The following SLC2A9 variants were observed in gnomAD, a reference collection of about 807,000 sequenced individuals.
SLC2A9 encodes the protein solute carrier family 2 member 9, also known as solute carrier family 2, facilitated glucose transporter member 9.
In SLC2A9, 39 loss-of-function variants were observed where a neutral mutation model predicts 50.6. That is an observed-to-expected ratio of 0.77 (90% CI 0.60 to 1.01). The LOEUF is 1.01. Ranked by LOEUF, SLC2A9 falls within the 50% of genes least tolerant of loss-of-function variation. The probability of loss-of-function intolerance (pLI) is 0.00; values close to 1 mark genes in which losing one functional copy is unlikely to be tolerated. For missense variants in SLC2A9, 686 were observed against 677.6 expected (o/e 1.01, Z -0.14); for synonymous variants, 324 against 276.9 (o/e 1.17, Z -1.69).
intron 10 of SLC2A9, among the ~76,000 whole-genome samples, chr4:9,843,154 C>T (rs962266448): frequency 6.6e-6 from 1 of 151,990 alleles, no homozygotes; most frequent in African/African-American, 2.4e-5. Flanking sequence ...TGGGGAAGTC[C>T]TCAAGCAAAA....
chr4:9,852,682 C>T (rs1421292947), intron 10 of SLC2A9, among the ~76,000 whole-genome samples: 2 of 152,232 alleles, frequency 1.3e-5, no homozygotes, highest in Non-Finnish European at 2.9e-5. Flanking sequence ...ACCACCAGAT[C>T]TGCCATATAA....
At chr4:10,028,232 T>C (rs1382480781) in intron 1 of SLC2A9, among the ~76,000 whole-genome samples, 1 of 152,170 alleles carries the variant, frequency 6.6e-6, no homozygotes, top group Non-Finnish European at 1.5e-5. Flanking sequence ...CTGATATGGA[T>C]TTGACAACTT....
intron 5 of SLC2A9, among the ~76,000 whole-genome samples, chr4:9,977,186 T>C (rs1335948667): frequency 2.0e-5 from 3 of 152,184 alleles, no homozygotes; most frequent in Non-Finnish European, 2.9e-5. Context: ...TCCCATTGCT[T>C]TGGGGTACAA....
At chr4:9,907,677 C>T (rs1223599661) in intron 8 of SLC2A9, among the ~76,000 whole-genome samples, 2 of 152,072 alleles carry the variant, frequency 1.3e-5, no homozygotes, top group Admixed American at 1.3e-4. Context: ...ACAATATGGC[C>T]CTGTTTCACA....
chr4:9,823,732 G>A (rs554025562), downstream of SLC2A9, among the ~76,000 whole-genome samples: 4 of 152,174 alleles, frequency 2.6e-5, no homozygotes, highest in African/African-American at 9.7e-5. Context: ...ATTCACTGGA[G>A]TAAATATCAG....
intron 10 of SLC2A9, among the ~76,000 whole-genome samples, chr4:9,870,938 G>T (rs926456724): frequency 2.0e-5 from 3 of 152,128 alleles, no homozygotes; most frequent in Admixed American, 1.3e-4. Flanking sequence ...TGGGGGGTGT[G>T]TGGGGTCTTG....
chr4:10,024,166 T>C (rs140843362), upstream of SLC2A9, among the ~76,000 whole-genome samples: 366 of 152,258 alleles, frequency 2.4e-3, 2 homozygotes, highest in African/African-American at 8.2e-3. Context: ...TCTCGCTGCC[T>C]CTGTGCTCCA....
chr4:9,989,500 C>T (rs78410912), intron 3 of SLC2A9, among the ~76,000 whole-genome samples: 129 of 152,152 alleles, frequency 8.5e-4, no homozygotes, highest in African/African-American at 3.0e-3. Context: ...TCCCAAGAGA[C>T]CCTTCCCACA....
intron 2 of SLC2A9, among the ~76,000 whole-genome samples, chr4:10,017,609 A>G (rs1459347124): frequency 3.3e-5 from 5 of 152,240 alleles, no homozygotes; most frequent in Admixed American, 2.0e-4. Context: ...TCCAGGGCTC[A>G]TGGGAACCTT....
intron 8 of SLC2A9, among the ~76,000 whole-genome samples, chr4:9,899,001 T>G (rs1037784651): frequency 3.0e-3 from 263 of 86,428 alleles, no homozygotes; most frequent in Non-Finnish European, 6.0e-3. Context: ...TCCCTCCCCC[T>G]CTCTCTCTCT....
At chr4:9,836,207 C>T (rs538788125) in intron 10 of SLC2A9, among the ~76,000 whole-genome samples, 79 of 150,322 alleles carry the variant, frequency 5.3e-4, no homozygotes, top group African/African-American at 1.7e-3. Context: ...ATGTATACTG[C>T]TTGGGTGATG....
intron 10 of SLC2A9, among the ~76,000 whole-genome samples, chr4:9,847,787 C>T (rs919904311): frequency 6.6e-6 from 1 of 152,082 alleles, no homozygotes; most frequent in Admixed American, 6.5e-5. Context: ...AAGGTTTTCC[C>T]TTTGTAGGGT....
chr4:9,797,647 G>C (rs1262082412), downstream of SLC2A9, among the ~76,000 whole-genome samples: 1 of 152,142 alleles, frequency 6.6e-6, no homozygotes, highest in Non-Finnish European at 1.5e-5. Context: ...CCATAAACTT[G>C]TTTCTATATT....
intron 2 of SLC2A9, among the ~76,000 whole-genome samples, chr4:9,997,425 C>T (rs1221984540): frequency 2.0e-5 from 3 of 152,098 alleles, no homozygotes; most frequent in East Asian, 1.9e-4. Context: ...ACCGGGTGGG[C>T]GCAGAGGCCC....
At chr4:10,022,944 G>A (rs79801218), upstream of SLC2A9, among the ~76,000 whole-genome samples, 724 of 152,314 alleles carry the variant, frequency 4.8e-3, 7 homozygotes, top group African/African-American at 0.016. Context: ...TAATCAGTCA[G>A]GCATGCCCCG....
At chr4:10,017,404 C>T (rs1306814809) in intron 2 of SLC2A9, among the ~76,000 whole-genome samples, 1 of 152,222 alleles carries the variant, frequency 6.6e-6, no homozygotes, top group Non-Finnish European at 1.5e-5. Context: ...AGATCCCCAT[C>T]TTGGAATGAC....
At chr4:10,025,680 C>T, upstream of SLC2A9, 1 of 543,442 alleles carries the variant, frequency 1.8e-6, no homozygotes. Context: ...CCCAGAAAGT[C>T]ACCAGCAGAT....
rs113363460 is a variant in SLC2A9 at position 9,879,465 on chromosome 4, C to T, written c.1291+8102G>A. The T allele has an allele frequency of 9.0e-4, 888 of 985,072 alleles. 4 individuals carry two copies. The African/African-American group carries it at 0.013, about 14-fold the overall frequency. The allele number at this position is 985,072 out of a possible 1,614,324, so 61.0% of individuals were successfully genotyped here. On this transcript the variant is annotated intron_variant, in intron 10 of 11. Transcript: ENST00000264784. The stretch of plus-strand genomic sequence containing the variant: ...AGATGGCTGCAGTGCAGGGAGAATG[C>T]GGGATAGAGAGGGAGGGCAGGCAGG...
Position 9,826,453 on chromosome 4 carries a change from G to T in SLC2A9, c.1567C>A (p.Pro523Thr), listed in dbSNP as rs377541962. Residue 523 changes from proline to threonine, a missense_variant, in exon 12 of 12, where the codon CCA becomes ACA. Coordinates refer to ENST00000264784, the MANE Select transcript of SLC2A9 (RefSeq NM_020041.3). ...ACAGCTGAGTCGATTTTCTCTTCTG[G>T]TGGGTATGCTTTGTTCCTTTTGGAA... ...AFSKRNKAYPPEEKIDSAVTD... is the reference protein window; with the variant it reads ...AFSKRNKAYPTEEKIDSAVTD... 1 of 1,614,052 alleles carries T rather than the reference G, an allele frequency of 6.2e-7. No individual in the cohort carries two copies.
Sources: allele counts gnomAD v4.1 joint callset (sites outside exome capture counted in the v4.1 genomes callset), GRCh38; gene constraint gnomAD v4.1.1; transcripts MANE v1.5; gene names NCBI Gene and HGNC (gene_info 2026-07-23, HGNC 2026-07-21).